Variants in PDE11A observed in about 807,000 individuals in gnomAD.
PDE11A encodes the protein phosphodiesterase 11A, also known as dual 3',5'-cyclic-AMP and -GMP phosphodiesterase 11A.
In PDE11A, 100 loss-of-function variants were observed where a neutral mutation model predicts 100.5. That is an observed-to-expected ratio of 1.00 (90% CI 0.85 to 1.18). The LOEUF (loss-of-function observed/expected upper bound fraction) is 1.18, where lower values mean the gene tolerates loss of function less well. Ranked by LOEUF, PDE11A falls within the 50% of genes most tolerant of loss-of-function variation. The probability of loss-of-function intolerance (pLI) is 0.00; values close to 1 mark genes in which losing one functional copy is unlikely to be tolerated. For synonymous variants in PDE11A, 381 were observed against 420.8 expected (o/e 0.91, Z 1.16); for missense variants, 1,141 against 1,152.6 (o/e 0.99, Z 0.15).
At chr2:177,720,304 G>A (rs1329053351) in intron 12 of PDE11A, among the ~76,000 whole-genome samples, 1 of 152,112 alleles carries the variant, frequency 6.6e-6, no homozygotes, top group East Asian at 1.9e-4. Flanking sequence ...GAGTGCTTAT[G>A]AGTATTTATA....
intron 5 of PDE11A, among the ~76,000 whole-genome samples, chr2:177,858,135 A>G (rs1428004776): frequency 6.6e-6 from 1 of 152,170 alleles, no homozygotes; most frequent in African/African-American, 2.4e-5. Flanking sequence ...ACCTAAAACC[A>G]TAAAAACCCT....
chr2:177,968,841 A>G (rs1442555852), intron 2 of PDE11A, among the ~76,000 whole-genome samples: 3 of 152,244 alleles, frequency 2.0e-5, no homozygotes, highest in Non-Finnish European at 4.4e-5. Flanking sequence ...TAGTTCAACC[A>G]TTGTGTAAGA....
intron 16 of PDE11A, among the ~76,000 whole-genome samples, chr2:177,679,521 T>C (rs1345024225): frequency 6.6e-6 from 1 of 152,000 alleles, no homozygotes; most frequent in Non-Finnish European, 1.5e-5. Context: ...GAATTGGGGG[T>C]TGAGCTCAAA....
intron 4 of PDE11A, among the ~76,000 whole-genome samples, chr2:177,880,510 C>T (rs945881172): frequency 6.6e-6 from 1 of 152,206 alleles, no homozygotes; most frequent in African/African-American, 2.4e-5. Context: ...TTCCTAGACT[C>T]TGCCCCATGC....
At chr2:177,850,225 C>A (rs1479909077) in intron 5 of PDE11A, among the ~76,000 whole-genome samples, 15 of 152,074 alleles carry the variant, frequency 9.9e-5, no homozygotes, top group Non-Finnish European at 2.2e-4. Context: ...CTCAGAAATA[C>A]TACCACACAT....
At chr2:177,811,919 A>G in intron 9 of PDE11A, among the ~76,000 whole-genome samples, 1 of 152,198 alleles carries the variant, frequency 6.6e-6, no homozygotes, top group Admixed American at 6.5e-5. Context: ...ATCTGTTTTC[A>G]GCTCTGACTT....
chr2:177,855,755 T>C (rs2083821283), intron 5 of PDE11A, among the ~76,000 whole-genome samples: 1 of 152,080 alleles, frequency 6.6e-6, no homozygotes, highest in African/African-American at 2.4e-5. Context: ...GCAGTAATTG[T>C]TTAACATGGC....
chr2:178,023,619 A>C (rs2086441319), intron 1 of PDE11A, among the ~76,000 whole-genome samples: 1 of 152,232 alleles, frequency 6.6e-6, no homozygotes, highest in Non-Finnish European at 1.5e-5. Flanking sequence ...AGAATCTTGA[A>C]TCTACCTTAG....
At chr2:177,898,545 T>C (rs965981706) in intron 3 of PDE11A, among the ~76,000 whole-genome samples, 1 of 152,174 alleles carries the variant, frequency 6.6e-6, no homozygotes, top group Admixed American at 6.5e-5. Flanking sequence ...ATAACCCTTG[T>C]TTCTCTTGAC....
chr2:178,056,713 T>C (rs191550494), intron 1 of PDE11A, among the ~76,000 whole-genome samples: 1 of 152,202 alleles, frequency 6.6e-6, no homozygotes, highest in East Asian at 1.9e-4. Context: ...AGTAAAAAAA[T>C]AATTGTTTTA....
At chr2:178,088,023 C>T (rs1302829050) in intron 2 of PDE11A, among the ~76,000 whole-genome samples, 8 of 152,104 alleles carry the variant, frequency 5.3e-5, no homozygotes, top group Admixed American at 5.2e-4. Context: ...GAAATACTGT[C>T]CTTTTCTGCA....
At chr2:177,642,526 C>A (rs1478330942) in intron 19 of PDE11A, among the ~76,000 whole-genome samples, 1 of 152,184 alleles carries the variant, frequency 6.6e-6, no homozygotes, top group Non-Finnish European at 1.5e-5. Context: ...TTTATTCTGC[C>A]AGAACTGTGG....
intron 6 of PDE11A, among the ~76,000 whole-genome samples, chr2:177,837,464 C>T (rs1299686931): frequency 6.8e-6 from 1 of 146,226 alleles, no homozygotes; most frequent in African/African-American, 2.7e-5. Context: ...AGAATGGGTA[C>T]TTTCTTTCTT....
chr2:177,819,147 T>C (rs1004778729), intron 7 of PDE11A, among the ~76,000 whole-genome samples: 3 of 152,066 alleles, frequency 2.0e-5, no homozygotes, highest in African/African-American at 7.2e-5. Context: ...TATTTAAAAC[T>C]CTGTGCATGA....
chr2:178,053,462 G>A (rs1370026140), intron 1 of PDE11A, among the ~76,000 whole-genome samples: 3 of 152,204 alleles, frequency 2.0e-5, no homozygotes, highest in African/African-American at 4.8e-5. Context: ...AGAAGACAGG[G>A]ATGCCCTCTC....
chr2:177,902,127 T>C (rs1366669389), intron 3 of PDE11A, among the ~76,000 whole-genome samples: 1 of 152,198 alleles, frequency 6.6e-6, no homozygotes, highest in Non-Finnish European at 1.5e-5. Flanking sequence ...TACATCCAGA[T>C]GGTCTGAAGC....
intron 4 of PDE11A, among the ~76,000 whole-genome samples, chr2:177,895,735 A>G (rs1395815149): frequency 2.6e-5 from 4 of 152,168 alleles, no homozygotes; most frequent in African/African-American, 9.7e-5. Context: ...GTAGAATGGT[A>G]GTTGCCAGAG....
Position 177,697,445 on chromosome 2 carries a change from A to C in PDE11A, c.2245-13T>G. ...AGATATTGTGACCCTGTAATGAGAA[A>C]GTAAAAAGTCACAAAAGACATTAAA... On this transcript the variant is annotated splice_polypyrimidine_tract_variant and intron_variant, in intron 14 of 19. Coordinates refer to ENST00000286063, the MANE Select transcript of PDE11A (RefSeq NM_016953.4). 1 of 1,285,698 alleles carries C rather than the reference A, an allele frequency of 7.8e-7. No homozygotes were observed. The highest frequency in any genetic ancestry group is 1.1e-6 in the Non-Finnish European group (1 of 880,296). 79.6% of individuals were successfully genotyped at this position (1,285,698 alleles called of 1,614,324 possible). A position where few individuals can be genotyped will look rare whatever the true frequency, so the allele number is the denominator to read the frequency against.
chr2:177,966,325 C>A (rs12994494), intron 2 of PDE11A, among the ~76,000 whole-genome samples: 15,902 of 151,504 alleles, frequency 0.1, 1,148 homozygotes, highest in Non-Finnish European at 0.15. Flanking sequence ...GACTTCCTCT[C>A]GTCTTTTATT....
Sources: allele counts gnomAD v4.1 joint callset (sites outside exome capture counted in the v4.1 genomes callset), GRCh38; gene constraint gnomAD v4.1.1; transcripts MANE v1.5; gene names NCBI Gene and HGNC (gene_info 2026-07-23, HGNC 2026-07-21).